The following ADAD1 variants were observed in gnomAD, a reference collection of about 807,000 sequenced individuals.
ADAD1 encodes the protein adenosine deaminase domain containing 1.
A neutral mutation model predicts 66.8 loss-of-function variants in ADAD1; 46 were observed. The ratio of observed to expected loss-of-function variants is 0.69; its 90% CI spans 0.54 to 0.88. The LOEUF (loss-of-function observed/expected upper bound fraction) is 0.88. Among genes scored for constraint, ADAD1 ranks in the 40% least tolerant of loss-of-function variants. The pLI is 0.00. For synonymous variants in ADAD1, 248 were observed against 229.4 expected, an observed-to-expected ratio of 1.08 and a Z score of -0.73; for missense variants, 617 against 681.8, an observed-to-expected ratio of 0.91 and a Z score of 1.06.
intron 12 of ADAD1, among the ~76,000 whole-genome samples, chr4:122,425,883 A>G (rs1338954962): frequency 6.6e-6 from 1 of 152,060 alleles, no homozygotes; most frequent in Admixed American, 6.5e-5. Context: ...ATAGCTTTAA[A>G]TGCTTGTGTT....
chr4:122,421,214 A>T, intron 11 of ADAD1, 47 bp from the exon 12 acceptor site: 1 of 1,419,412 alleles, frequency 7.0e-7, no homozygotes, highest in Non-Finnish European at 9.5e-7. Context: ...TTGCCAACAT[A>T]AATTACTGAA....
intron 7 of ADAD1, among the ~76,000 whole-genome samples, chr4:122,405,011 A>G (rs1796143621): frequency 6.6e-6 from 1 of 152,210 alleles, no homozygotes; most frequent in African/African-American, 2.4e-5. Context: ...TACAGAGCTG[A>G]GAAAGAAGCT....
intron 5 of ADAD1, 91 bp downstream of exon 5, chr4:122,384,057 C>A: frequency 8.4e-7 from 1 of 1,184,030 alleles, no homozygotes; most frequent in Non-Finnish European, 1.2e-6. Flanking sequence ...AGTTACTTGG[C>A]AGCTACAAGA....
In ADAD1 at chr4:122,381,089, C is replaced by G; in HGVS notation, c.270C>G (p.Tyr90Ter). The change falls in exon 4 of 13, where the codon TAC becomes TAG. Residue 90 changes from tyrosine (Y) to a stop codon, truncating the protein, a stop_gained. Coordinates refer to ENST00000296513, the MANE Select transcript of ADAD1 (RefSeq NM_139243.4). LOFTEE classifies it high-confidence loss of function. ...TACCTAAGGAATTTATAATGAAATA[C>G]AAACGTGGAGAGATAAATCCTGTGT... is the stretch of plus-strand genomic sequence containing the variant. ...KKIPKEFIMK[Y>*]KRGEINPVSA... 1 of 1,605,370 alleles carries G rather than the reference C, an allele frequency of 6.2e-7. No individual in the cohort carries two copies. The highest frequency in any genetic ancestry group is 8.5e-7 in the Non-Finnish European group (1 of 1,178,384).
chr4:122,397,013 G>T (rs1795749548), intron 7 of ADAD1, among the ~76,000 whole-genome samples: 1 of 152,138 alleles, frequency 6.6e-6, no homozygotes, highest in African/African-American at 2.4e-5. Flanking sequence ...ATAGGGTTTA[G>T]AATCTTTTGG....
At chr4:122,412,850 A>C in intron 10 of ADAD1, 41 bp downstream of exon 10, 1 of 1,516,502 alleles carries the variant, frequency 6.6e-7, no homozygotes. Context: ...CTCACTCACT[A>C]AGCAAATTCT....
At chr4:122,391,854 T>C (rs939012016) in intron 5 of ADAD1, among the ~76,000 whole-genome samples, 2 of 152,098 alleles carry the variant, frequency 1.3e-5, no homozygotes, top group Non-Finnish European at 2.9e-5. Flanking sequence ...GAATTACAGG[T>C]GCGCGCCACC....
At chr4:122,421,003 C>T (rs1171568535) in intron 11 of ADAD1, among the ~76,000 whole-genome samples, 2 of 152,042 alleles carry the variant, frequency 1.3e-5, no homozygotes, top group Non-Finnish European at 2.9e-5. Flanking sequence ...GTTAATTTTG[C>T]TTCATACAAT....
At chr4:122,400,846 C>T (rs1195027783) in intron 7 of ADAD1, among the ~76,000 whole-genome samples, 1 of 151,860 alleles carries the variant, frequency 6.6e-6, no homozygotes, top group Non-Finnish European at 1.5e-5. Flanking sequence ...TCACTTATCT[C>T]CTGTCTTGTT....
chr4:122,394,221 A>G (rs1290356061), intron 6 of ADAD1, among the ~76,000 whole-genome samples: 1 of 152,230 alleles, frequency 6.6e-6, no homozygotes, highest in Non-Finnish European at 1.5e-5. Flanking sequence ...AGTGCCTAAC[A>G]CACCATAGAT....
chr4:122,391,659 G>A (rs1366424269), intron 5 of ADAD1, among the ~76,000 whole-genome samples: 1 of 152,174 alleles, frequency 6.6e-6, no homozygotes, highest in Non-Finnish European at 1.5e-5. Flanking sequence ...TGCCACAGCC[G>A]GTATGTTGGG....
chr4:122,382,047 G>A (rs984861230), intron 4 of ADAD1, among the ~76,000 whole-genome samples: 1 of 152,188 alleles, frequency 6.6e-6, no homozygotes, highest in African/African-American at 2.4e-5. Flanking sequence ...AAACTAACAG[G>A]TGACAGAAAT....
At chr4:122,391,784 A>T (rs2101034) in intron 5 of ADAD1, among the ~76,000 whole-genome samples, 2 of 152,198 alleles carry the variant, frequency 1.3e-5, no homozygotes, top group African/African-American at 4.8e-5. Context: ...GTCTTAGCTC[A>T]CTGCAACCTT....
At chr4:122,418,541 C>G (rs1002587027) in intron 11 of ADAD1, among the ~76,000 whole-genome samples, 2 of 151,966 alleles carry the variant, frequency 1.3e-5, no homozygotes, top group Admixed American at 1.3e-4. Context: ...CCAGGATGGT[C>G]TCTATCTCCT....
intron 7 of ADAD1, among the ~76,000 whole-genome samples, chr4:122,404,656 C>A (rs899857086): frequency 6.6e-6 from 1 of 152,118 alleles, no homozygotes; most frequent in Non-Finnish European, 1.5e-5. Flanking sequence ...AGTCTCCACA[C>A]GCTATTCTGT....
Position 122,411,346 on chromosome 4 carries a change from T to C in ADAD1, c.973T>C (p.Tyr325His). ...TLKQNINICL[Y>H]MNQLPKGSAQ... The stretch of plus-strand genomic sequence containing the variant: ...TAAACAGAATATCAACATTTGCCTT[T>C]ACATGAACCAGTTGCCTAAAGGATC... Residue 325 changes from tyrosine to histidine, a missense_variant, in exon 9 of 13, where the codon TAC becomes CAC. Tyr to His is a moderately conservative substitution (Grantham distance 83). Coordinates refer to ENST00000296513, the MANE Select transcript of ADAD1 (RefSeq NM_139243.4). 1.9e-6 allele frequency: 3 copies of C among 1,613,270 alleles called. No individual in the cohort carries two copies. The highest frequency in any genetic ancestry group is 2.5e-6 in the Non-Finnish European group (3 of 1,179,682).
intron 12 of ADAD1, among the ~76,000 whole-genome samples, chr4:122,424,981 C>T (rs1359468838): frequency 1.3e-5 from 2 of 151,938 alleles, no homozygotes; most frequent in Admixed American, 1.3e-4. Context: ...AGAGCAACAT[C>T]TTACAGTGGT....
Position 122,429,694 on chromosome 4 carries a change from A to T in ADAD1, c.1686A>T (p.Gly562=). 1 of 1,613,538 alleles carries T rather than the reference A, an allele frequency of 6.2e-7. No individual in the cohort carries two copies. ...LKSYLQQHGY[G]SWIVKSPCIE... Reference sequence around the variant, plus strand: ...CCTACTTACAACAACATGGCTATGGATCCTGGATTGTGAAATCTCCCTGCA... The same window carrying T: ...CCTACTTACAACAACATGGCTATGGTTCCTGGATTGTGAAATCTCCCTGCA... The change falls in exon 13 of 13, where the codon GGA becomes GGT. Residue 562 remains glycine, a synonymous_variant. Coordinates refer to ENST00000296513, the MANE Select transcript of ADAD1 (RefSeq NM_139243.4).
At chr4:122,390,531 A>G (rs1442280048) in intron 5 of ADAD1, among the ~76,000 whole-genome samples, 1 of 152,104 alleles carries the variant, frequency 6.6e-6, no homozygotes, top group Non-Finnish European at 1.5e-5. Flanking sequence ...ATGAAGTCCC[A>G]TATTAGAGTC....
Sources: gnomAD v4.1 joint callset for allele counts (sites outside exome capture counted in the v4.1 genomes callset) on GRCh38, gnomAD v4.1.1 for gene constraint, MANE v1.5 for transcripts, NCBI Gene and HGNC (gene_info 2026-07-23, HGNC 2026-07-21) for gene names.